Variants in ABTB3 observed in about 807,000 individuals in gnomAD.
The protein encoded by ABTB3 is ankyrin repeat- and BTB/POZ domain-containing protein 3.
chr12:107,401,831 C>A, the ABTB3 span, among the ~76,000 whole-genome samples: 1 of 150,926 alleles, frequency 6.6e-6, no homozygotes, highest in African/African-American at 2.4e-5. Context: ...TAAAAGGAAT[C>A]TTTTTCATTT....
chr12:107,491,767 G>T, the ABTB3 span, among the ~76,000 whole-genome samples: 1 of 150,194 alleles, frequency 6.7e-6, no homozygotes, highest in African/African-American at 2.5e-5. Context: ...AGGTTGCAGT[G>T]AGCGGAGATC....
At chr12:107,469,886 C>G in the ABTB3 span, among the ~76,000 whole-genome samples, 3 of 102,170 alleles carry the variant, frequency 2.9e-5, 1 homozygote, top group African/African-American at 1.4e-4. Context: ...TTCTTTCTTT[C>G]TTTCTTTCTT....
At chr12:107,644,096 T>C in the ABTB3 span, among the ~76,000 whole-genome samples, 232 of 152,274 alleles carry the variant, frequency 1.5e-3, 1 homozygote, top group African/African-American at 5.4e-3. Flanking sequence ...ATGAAGAAAC[T>C]GAGGCCCAGA....
chr12:107,414,716 C>CTTTTTTTTTTT, the ABTB3 span, among the ~76,000 whole-genome samples: 1 of 144,724 alleles, frequency 6.9e-6, no homozygotes, highest in African/African-American at 2.6e-5. Context: ...CTTTTCTTTT[C>CTTTTTTTTTTT]TTTTTCTTTT....
At chr12:107,405,370 C>T in the ABTB3 span, among the ~76,000 whole-genome samples, 2 of 152,226 alleles carry the variant, frequency 1.3e-5, no homozygotes, top group Non-Finnish European at 2.9e-5. Context: ...AAATAGCAAC[C>T]TATCAGGGTC....
chr12:107,420,280 G>A, the ABTB3 span, among the ~76,000 whole-genome samples: 2 of 152,056 alleles, frequency 1.3e-5, no homozygotes, highest in Admixed American at 6.6e-5. Context: ...TGGTGTATTA[G>A]TCCATTTTCA....
At chr12:107,563,316 AT>A in the ABTB3 span, among the ~76,000 whole-genome samples, 6 of 152,260 alleles carry the variant, frequency 3.9e-5, no homozygotes, top group Non-Finnish European at 7.3e-5. Flanking sequence ...TTTAACAATC[AT>A]TCATTCACTC....
At chr12:107,525,620 T>A in the ABTB3 span, among the ~76,000 whole-genome samples, 1 of 152,176 alleles carries the variant, frequency 6.6e-6, no homozygotes, top group Non-Finnish European at 1.5e-5. Flanking sequence ...AAGGACATAT[T>A]TCTCAGAACC....
chr12:107,358,403 G>A, the ABTB3 span, among the ~76,000 whole-genome samples: 1 of 152,200 alleles, frequency 6.6e-6, no homozygotes, highest in Non-Finnish European at 1.5e-5. Context: ...GTAGGAATGT[G>A]TCTGGTGTGT....
At chr12:107,506,153 T>G in the ABTB3 span, among the ~76,000 whole-genome samples, 1 of 152,216 alleles carries the variant, frequency 6.6e-6, no homozygotes, top group Non-Finnish European at 1.5e-5. Context: ...CCACCAATAG[T>G]GTATATGCAT....
At chr12:107,520,047 A>G in the ABTB3 span, among the ~76,000 whole-genome samples, 57,415 of 151,864 alleles carry the variant, frequency 0.38, 11,337 homozygotes, top group African/African-American at 0.46. Flanking sequence ...GATCTGTTGA[A>G]CAAACAAAGT....
the ABTB3 span, among the ~76,000 whole-genome samples, chr12:107,391,267 G>C: frequency 6.6e-6 from 1 of 152,220 alleles, no homozygotes; most frequent in Non-Finnish European, 1.5e-5. Flanking sequence ...AGTTAGGTAA[G>C]TTGTTTGAGT....
chr12:107,539,887 T>A, the ABTB3 span, among the ~76,000 whole-genome samples: 1 of 152,192 alleles, frequency 6.6e-6, no homozygotes, highest in Non-Finnish European at 1.5e-5. Context: ...CAGCAGTAGT[T>A]CCCCACGTTT....
At chr12:107,510,574 A>C in the ABTB3 span, among the ~76,000 whole-genome samples, 1 of 152,192 alleles carries the variant, frequency 6.6e-6, no homozygotes, top group Admixed American at 6.5e-5. Flanking sequence ...GAGTGAGGGG[A>C]TGGGAGAGCG....
the ABTB3 span, among the ~76,000 whole-genome samples, chr12:107,344,535 G>A: frequency 1.5e-4 from 23 of 152,198 alleles, no homozygotes; most frequent in Non-Finnish European, 2.6e-4. Context: ...CAGAGGTCAG[G>A]TTTCTCTAAG....
the ABTB3 span, among the ~76,000 whole-genome samples, chr12:107,320,293 G>C: frequency 3.3e-5 from 5 of 152,316 alleles, no homozygotes; most frequent in East Asian, 9.7e-4. Flanking sequence ...TCCCAGGTCC[G>C]GGAGCGCGAG....
the ABTB3 span, among the ~76,000 whole-genome samples, chr12:107,375,584 C>A: frequency 6.6e-6 from 1 of 152,234 alleles, no homozygotes; most frequent in Non-Finnish European, 1.5e-5. Context: ...TGCCGTTCTA[C>A]CTCTCACTGG....
the ABTB3 span, among the ~76,000 whole-genome samples, chr12:107,472,692 G>T: frequency 2.0e-5 from 3 of 152,184 alleles, no homozygotes; most frequent in Admixed American, 2.0e-4. Context: ...TCAGCACCGC[G>T]CCAAGTGGGA....
the ABTB3 span, among the ~76,000 whole-genome samples, chr12:107,409,619 G>A: frequency 6.6e-6 from 1 of 152,194 alleles, no homozygotes; most frequent in African/African-American, 2.4e-5. Flanking sequence ...ACCAAACACC[G>A]TATGTTCTCA....
Sources: allele counts gnomAD v4.1 joint callset (sites outside exome capture counted in the v4.1 genomes callset), GRCh38; gene constraint gnomAD v4.1.1; transcripts MANE v1.5; gene names NCBI Gene and HGNC (gene_info 2026-07-23, HGNC 2026-07-21).